The following CAMTA1 variants were observed in gnomAD, a reference collection of about 807,000 sequenced individuals.
The protein encoded by CAMTA1 is calmodulin binding transcription activator 1.
A neutral mutation model predicts 170.9 loss-of-function variants in CAMTA1; 27 were observed. The ratio of observed to expected loss-of-function variants is 0.16; its 90% CI spans 0.12 to 0.22. The LOEUF is 0.22. Ranked by LOEUF, CAMTA1 falls within the 10% of genes least tolerant of loss-of-function variation. The probability of loss-of-function intolerance (pLI) is 1.00; values close to 1 mark genes in which losing one functional copy is unlikely to be tolerated. For synonymous variants in CAMTA1, 833 were observed against 891.5 expected, an observed-to-expected ratio of 0.93 and a Z score of 1.17; for missense variants, 1,619 against 2,217.2, an observed-to-expected ratio of 0.73 and a Z score of 5.42.
chr1:7,231,554 G>A (rs553189164), intron 4 of CAMTA1, among the ~76,000 whole-genome samples: 13 of 152,078 alleles, frequency 8.5e-5, no homozygotes, highest in Non-Finnish European at 1.5e-4. Context: ...TGTATTTTTG[G>A]TGGAGGCGGG....
At chr1:7,236,975 C>G (rs927193579) in intron 4 of CAMTA1, among the ~76,000 whole-genome samples, 4 of 152,236 alleles carry the variant, frequency 2.6e-5, no homozygotes, top group Non-Finnish European at 4.4e-5. Flanking sequence ...CAGGCCCTGT[C>G]TTGTCACGGG....
At chr1:7,376,730 C>T (rs553993333) in intron 5 of CAMTA1, among the ~76,000 whole-genome samples, 1 of 152,196 alleles carries the variant, frequency 6.6e-6, no homozygotes, top group Non-Finnish European at 1.5e-5. Flanking sequence ...GGACTTGAAC[C>T]TGGCTCTGTC....
At chr1:7,023,221 C>T (rs1171863437) in intron 3 of CAMTA1, among the ~76,000 whole-genome samples, 1 of 152,188 alleles carries the variant, frequency 6.6e-6, no homozygotes, top group African/African-American at 2.4e-5. Context: ...TCAATGTGGG[C>T]AGAAACTCCG....
At chr1:7,341,284 G>T (rs529060835) in intron 5 of CAMTA1, among the ~76,000 whole-genome samples, 16 of 152,336 alleles carry the variant, frequency 1.1e-4, no homozygotes, top group Admixed American at 9.8e-4. Context: ...GGAGTGTCTG[G>T]TGGTTGGCAG....
chr1:7,571,953 C>A lies in CAMTA1; in HGVS notation c.511-68447C>A, dbSNP rs185934252. Among the ~76,000 whole-genome samples the A allele has an allele frequency of 2.6e-5, 4 of 152,336 alleles. No individual in the cohort carries two copies. The East Asian group carries it at 7.7e-4, about 29-fold the overall frequency. On this transcript the variant is annotated intron_variant, in intron 6 of 22. Transcript: ENST00000303635. ...TAGCTGAACTAATTTACACTCCCAT[C>A]ATCAGTGTATAAGTGTCCCCTTTTC...
chr1:7,031,093 T>G (rs1421041020), intron 3 of CAMTA1, among the ~76,000 whole-genome samples: 1 of 150,464 alleles, frequency 6.6e-6, no homozygotes, highest in East Asian at 2.0e-4. Context: ...GTGATCCACC[T>G]GCCTTGGCCT....
chr1:7,618,483 G>A (rs1266233044), intron 6 of CAMTA1, among the ~76,000 whole-genome samples: 1 of 152,156 alleles, frequency 6.6e-6, no homozygotes, highest in African/African-American at 2.4e-5. Context: ...CCTGGCTTGG[G>A]GCCTCTGCCC....
At chr1:7,558,189 C>T (rs1257874502) in intron 6 of CAMTA1, among the ~76,000 whole-genome samples, 2 of 152,214 alleles carry the variant, frequency 1.3e-5, no homozygotes, top group Non-Finnish European at 2.9e-5. Context: ...AGTCCAGCTC[C>T]GCCTCGGGGC....
At chr1:6,871,992 A>G in intron 3 of CAMTA1, 1 of 1,199,348 alleles carries the variant, frequency 8.3e-7, no homozygotes, top group Non-Finnish European at 1.1e-6. Flanking sequence ...CATTTTCTGT[A>G]TTAAAATTCA....
intron 3 of CAMTA1, among the ~76,000 whole-genome samples, chr1:7,019,828 CG>C (rs1311160421): frequency 6.6e-6 from 1 of 152,238 alleles, no homozygotes; most frequent in Non-Finnish European, 1.5e-5. Context: ...GCCACAGCCC[CG>C]CCCAGCTCCC....
At chr1:6,888,340 C>T (rs1355662919) in intron 3 of CAMTA1, 1 of 754,912 alleles carries the variant, frequency 1.3e-6, no homozygotes, top group Non-Finnish European at 1.6e-6. Flanking sequence ...TAACTGGAAG[C>T]CTAGTTCAGG....
Position 7,680,893 on chromosome 1 carries a change from G to A in CAMTA1, c.2914+3160G>A, listed in dbSNP as rs2096196312. Among the ~76,000 whole-genome samples the A allele has an allele frequency of 7.5e-6, 1 of 133,786 alleles. No homozygotes were observed. Among genetic ancestry groups the A allele is most frequent in the Admixed American group, 7.6e-5 (1 of 13,192 alleles). 87.8% of individuals were successfully genotyped at this position (133,786 alleles called of 152,430 possible). On this transcript the variant is annotated intron_variant, in intron 11 of 22. Transcript: ENST00000303635. This position sits in a 1 kb window ranked among gnomAD's most constrained non-coding sequence, Gnocchi z 4.4. ...CAGCAGCAGCAGCAGCTGCTGCGGC[G>A]AAGTCTTTGTCCCCGCGGCGCAGCC...
chr1:7,727,321 A>G (rs1412076055), intron 11 of CAMTA1, among the ~76,000 whole-genome samples: 2 of 151,938 alleles, frequency 1.3e-5, no homozygotes, highest in Non-Finnish European at 2.9e-5. Context: ...ACGGGGTTTC[A>G]CCGTGTTAGC....
chr1:7,087,714 C>T (rs950027651), intron 3 of CAMTA1, among the ~76,000 whole-genome samples: 1 of 152,202 alleles, frequency 6.6e-6, no homozygotes, highest in Non-Finnish European at 1.5e-5. Context: ...GCCATGGTTC[C>T]TATTTCATAG....
At chr1:7,319,256 G>A (rs1039388627) in intron 5 of CAMTA1, among the ~76,000 whole-genome samples, 4 of 152,062 alleles carry the variant, frequency 2.6e-5, no homozygotes, top group African/African-American at 7.2e-5. Flanking sequence ...CTGTGTCCCC[G>A]CCCAAATCAC....
intron 4 of CAMTA1, among the ~76,000 whole-genome samples, chr1:7,137,941 A>G (rs1010000133): frequency 1.3e-5 from 2 of 152,200 alleles, no homozygotes; most frequent in African/African-American, 4.8e-5. Context: ...CCTGGAGCAT[A>G]GAATCATGCC....
intron 3 of CAMTA1, among the ~76,000 whole-genome samples, chr1:7,028,124 C>T (rs1038880277): frequency 3.3e-5 from 5 of 152,076 alleles, no homozygotes; most frequent in African/African-American, 7.2e-5. Context: ...AGGCTGGTCT[C>T]GAACTCCTGA....
rs1357239974 is a variant in CAMTA1, at chr1:7,532,928, C to T, written c.510+65027C>T. On this transcript the variant is annotated intron_variant, in intron 6 of 22. Transcript: ENST00000303635. The surrounding 1 kb of genome is among the most constrained non-coding windows in gnomAD (Gnocchi z 4.2). ...ACTCTTATTGGACCAGTGCAGGTGG[C>T]GGCTTTTTGGGAAGGGTGGGATTTC... Among the ~76,000 whole-genome samples the T allele has an allele frequency of 2.6e-5, 4 of 152,096 alleles. No homozygotes were observed. Among genetic ancestry groups the T allele is most frequent in the African/African-American group, 9.7e-5 (4 of 41,438 alleles).
intron 3 of CAMTA1, among the ~76,000 whole-genome samples, chr1:6,947,032 C>T (rs6577396): frequency 0.52 from 79,730 of 152,014 alleles, 21,689 homozygotes; most frequent in Non-Finnish European, 0.61. Flanking sequence ...TGCATGTGGA[C>T]ATCCAGTTGT....
Sources: gnomAD v4.1 joint callset for allele counts (sites outside exome capture counted in the v4.1 genomes callset) on GRCh38, gnomAD v4.1.1 for gene constraint, Gnocchi (gnomAD v3.1) non-coding constraint, MANE v1.5 for transcripts, NCBI Gene and HGNC (gene_info 2026-07-23, HGNC 2026-07-21) for gene names.